The following CRYL1 variants were observed in gnomAD, a reference collection of about 807,000 sequenced individuals.
The protein encoded by CRYL1 is crystallin lambda 1, also known as lambda-crystallin homolog.
CRYL1 carries 29 observed loss-of-function variants against 36.6 expected under a neutral mutation model. That is an observed-to-expected ratio of 0.79 (90% CI 0.59 to 1.08). The LOEUF is 1.08. Ranked by LOEUF, CRYL1 falls within the 50% of genes least tolerant of loss-of-function variation. The pLI is 0.00. For missense variants in CRYL1, 411 were observed against 407.9 expected (o/e 1.01, Z -0.06); for synonymous variants, 152 against 151.5 (o/e 1.00, Z -0.02).
At chr13:20,412,610 T>G (rs1308433790) in intron 6 of CRYL1, among the ~76,000 whole-genome samples, 1 of 152,234 alleles carries the variant, frequency 6.6e-6, no homozygotes, top group Non-Finnish European at 1.5e-5. Flanking sequence ...AATGACATTT[T>G]CTTTTTGGAT....
chr13:20,514,277 A>T (rs9578297), intron 1 of CRYL1, among the ~76,000 whole-genome samples: 150,909 of 152,334 alleles, frequency 0.99, 74,770 homozygotes, highest in Middle Eastern at 1. Context: ...AAAGTCACCA[A>T]CAACAGTGGT....
rs1430021332 is a variant in CRYL1 at position 20,415,523 on chromosome 13, C to T, written c.634-2136G>A. On this transcript the variant is annotated intron_variant, in intron 5 of 7. Coordinates refer to ENST00000298248, the MANE Select transcript of CRYL1 (RefSeq NM_015974.3). This position sits in a 1 kb window ranked among gnomAD's most constrained non-coding sequence, Gnocchi z 4.1. ...AGCCAGGACGGCCACAGCCACGCCA[C>T]CACCGGCGAGGGCGAGGGCCAGGGC... 3.3e-5 allele frequency among the ~76,000 whole-genome samples: 5 copies of T among 152,288 alleles called. No homozygotes were observed. The highest frequency in any genetic ancestry group is 1.2e-4 in the African/African-American group (5 of 41,580).
intron 5 of CRYL1, chr13:20,431,143 C>T: frequency 1.0e-6 from 1 of 985,382 alleles, no homozygotes; most frequent in Non-Finnish European, 1.2e-6. Context: ...GCACACCTGC[C>T]TGGTTTGGAA....
intron 4 of CRYL1, among the ~76,000 whole-genome samples, chr13:20,438,350 G>A (rs926695820): frequency 1.3e-5 from 2 of 152,114 alleles, no homozygotes; most frequent in African/African-American, 2.4e-5. Context: ...CCCAAGTCCT[G>A]TGACATCATT....
chr13:20,416,282 G>T (rs1320524778), intron 5 of CRYL1, among the ~76,000 whole-genome samples: 1 of 152,192 alleles, frequency 6.6e-6, no homozygotes, highest in Non-Finnish European at 1.5e-5. Context: ...GAGGAGGGTC[G>T]CCTCCTTTCA....
At chr13:20,441,242 G>C (rs1240504718) in intron 3 of CRYL1, among the ~76,000 whole-genome samples, 2 of 152,154 alleles carry the variant, frequency 1.3e-5, no homozygotes, top group East Asian at 3.8e-4. Flanking sequence ...GGCGTGTCTT[G>C]TTAAAAATGC....
At chr13:20,506,672 G>A (rs1464723670) in intron 2 of CRYL1, among the ~76,000 whole-genome samples, 2 of 152,016 alleles carry the variant, frequency 1.3e-5, no homozygotes, top group East Asian at 1.9e-4. Context: ...ATAGAACAAA[G>A]GACTTTCAAT....
intron 6 of CRYL1, 35 bp downstream of exon 6, chr13:20,413,247 A>G (rs1224839554): frequency 2.1e-6 from 3 of 1,411,702 alleles, no homozygotes; most frequent in Non-Finnish European, 3.0e-6. Flanking sequence ...AACACTAAAT[A>G]GAATGGAATT....
At chr13:20,507,778 C>T (rs552521959) in intron 2 of CRYL1, among the ~76,000 whole-genome samples, 38 of 151,996 alleles carry the variant, frequency 2.5e-4, no homozygotes, top group South Asian at 1.0e-3. Flanking sequence ...ATTAGCTGGG[C>T]GTGGTGGCGA....
At chr13:20,496,364 C>T (rs1221528814) in intron 2 of CRYL1, among the ~76,000 whole-genome samples, 2 of 152,122 alleles carry the variant, frequency 1.3e-5, no homozygotes, top group South Asian at 2.1e-4. Context: ...CTATTATACA[C>T]GTTAAAATGG....
At chr13:20,446,236 C>T (rs909429637) in intron 3 of CRYL1, among the ~76,000 whole-genome samples, 6 of 152,274 alleles carry the variant, frequency 3.9e-5, no homozygotes, top group South Asian at 2.1e-4. Flanking sequence ...CTCAACCTCC[C>T]GAGTAGCTAG....
chr13:20,478,169 G>T (rs1381039931), intron 3 of CRYL1, among the ~76,000 whole-genome samples: 1 of 151,864 alleles, frequency 6.6e-6, no homozygotes, highest in Non-Finnish European at 1.5e-5. Context: ...CATTAAATAT[G>T]TATGCCATGA....
chr13:20,475,206 C>A (rs1440070696), intron 3 of CRYL1, among the ~76,000 whole-genome samples: 1 of 152,128 alleles, frequency 6.6e-6, no homozygotes, highest in African/African-American at 2.4e-5. Flanking sequence ...GGGAAGAGGG[C>A]CTCCCCGCAT....
At chr13:20,472,808 AAC>A (rs2033089531) in intron 3 of CRYL1, among the ~76,000 whole-genome samples, 1 of 152,230 alleles carries the variant, frequency 6.6e-6, no homozygotes, top group African/African-American at 2.4e-5. Flanking sequence ...CAGCTGGAAC[AAC>A]ACATGGATGC....
intron 3 of CRYL1, among the ~76,000 whole-genome samples, chr13:20,458,147 T>G (rs996225687): frequency 2.0e-5 from 3 of 152,230 alleles, no homozygotes; most frequent in African/African-American, 7.2e-5. Context: ...TCTCAATGTT[T>G]CTGAAATTGG....
chr13:20,491,680 A>T (rs1437650963), intron 2 of CRYL1, among the ~76,000 whole-genome samples: 1 of 152,188 alleles, frequency 6.6e-6, no homozygotes, highest in Non-Finnish European at 1.5e-5. Flanking sequence ...AGTCCCAGCT[A>T]CTTGGGAGGC....
chr13:20,468,539 G>A (rs958254988), intron 3 of CRYL1, among the ~76,000 whole-genome samples: 1 of 152,204 alleles, frequency 6.6e-6, no homozygotes, highest in African/African-American at 2.4e-5. Context: ...ACTGAACAAA[G>A]AAGAAGCCAG....
intron 1 of CRYL1, among the ~76,000 whole-genome samples, chr13:20,516,992 TGAGCCCAGGA>T (rs2034011179): frequency 6.6e-6 from 1 of 152,090 alleles, no homozygotes; most frequent in South Asian, 2.1e-4. Context: ...GAGGATCACT[TGAGCCCAGGA>T]GTTCAAGGAT....
chr13:20,466,703 T>TGTGTGTGC (rs1329256359), intron 3 of CRYL1, among the ~76,000 whole-genome samples: 1 of 145,542 alleles, frequency 6.9e-6, no homozygotes, highest in African/African-American at 2.4e-5. Context: ...TGTGTGTGTG[T>TGTGTGTGC]GTGTGTGTAG....
Sources: gnomAD v4.1 joint callset for allele counts (sites outside exome capture counted in the v4.1 genomes callset) on GRCh38, gnomAD v4.1.1 for gene constraint, Gnocchi (gnomAD v3.1) non-coding constraint, MANE v1.5 for transcripts, NCBI Gene and HGNC (gene_info 2026-07-23, HGNC 2026-07-21) for gene names.